VTA1: variants seen among roughly 807,000 people sequenced by gnomAD.
VTA1 encodes vesicle trafficking 1.
Under a neutral mutation model 36.9 loss-of-function variants are expected in VTA1, and 24 were observed. That is an observed-to-expected ratio of 0.65 (90% CI 0.47 to 0.91). The LOEUF is 0.91. Among genes scored for constraint, VTA1 ranks in the 40% least tolerant of loss-of-function variants. The pLI, the probability that VTA1 is intolerant of heterozygous loss-of-function variation, is 0.00. For synonymous variants in VTA1, 142 were observed against 130.2 expected (o/e 1.09, Z -0.62); for missense variants, 393 against 377.2 (o/e 1.04, Z -0.35).
intron 6 of VTA1, chr6:142,198,904 T>G (rs1775623459): frequency 5.0e-6 from 1 of 201,574 alleles, no homozygotes; most frequent in Non-Finnish European, 1.0e-5. Flanking sequence ...GTTTTTCTTT[T>G]TCTTCTCTTC....
intron 5 of VTA1, among the ~76,000 whole-genome samples, chr6:142,197,594 A>T (rs1209886319): frequency 1.3e-5 from 2 of 152,226 alleles, no homozygotes; most frequent in Non-Finnish European, 2.9e-5. Flanking sequence ...GCAAAATTTC[A>T]TTCCTCTGTT....
chr6:142,190,649 C>T (rs968321224), intron 5 of VTA1, among the ~76,000 whole-genome samples: 4 of 152,140 alleles, frequency 2.6e-5, no homozygotes, highest in African/African-American at 4.8e-5. Context: ...GTTCTTGGAA[C>T]TGAGAAAATT....
intron 6 of VTA1, among the ~76,000 whole-genome samples, chr6:142,201,177 G>A (rs954055433): frequency 5.9e-5 from 9 of 151,730 alleles, no homozygotes; most frequent in Admixed American, 1.3e-4. Context: ...TTTAGCCCCA[G>A]ATTTTTTTCT....
chr6:142,163,373 A>C (rs1438703694), intron 1 of VTA1, among the ~76,000 whole-genome samples: 1 of 152,172 alleles, frequency 6.6e-6, no homozygotes, highest in East Asian at 1.9e-4. Flanking sequence ...ACATTGCAAC[A>C]GTCTTTCCTA....
intron 4 of VTA1, among the ~76,000 whole-genome samples, chr6:142,187,083 T>A (rs140319385): frequency 3.5e-4 from 54 of 152,342 alleles, no homozygotes; most frequent in African/African-American, 1.3e-3. Flanking sequence ...ATTTGGCTTT[T>A]ATGTAACTTT....
Position 142,223,374 on chromosome 6 carries a change from C to G in VTA1, c.*4731C>G, listed in dbSNP as rs763384741. On this transcript the variant is annotated 3_prime_UTR_variant, in exon 8 of 8. Transcript: ENST00000367630. ...GGGAGTCTGGGTTTCCCAGATGTGC[C>G]TGTTTTATCCTTTTTATTTTAAATA... The G allele has an allele frequency of 6.6e-6, 1 of 152,154 alleles. No individual in the cohort carries two copies. Among genetic ancestry groups the G allele is most frequent in the African/African-American group, 2.4e-5 (1 of 41,426 alleles). The allele number at this position is 152,154 out of a possible 1,614,324, so 9.4% of individuals were successfully genotyped here. A position where few individuals can be genotyped will look rare whatever the true frequency, so the allele number is the denominator to read the frequency against.
chr6:142,174,585 T>C (rs1034184437), intron 4 of VTA1, among the ~76,000 whole-genome samples: 1 of 152,150 alleles, frequency 6.6e-6, no homozygotes, highest in Non-Finnish European at 1.5e-5. Flanking sequence ...GGGATAATTA[T>C]ATTTTGCAAT....
At chr6:142,188,789 A>G (rs1052580264) in intron 4 of VTA1, among the ~76,000 whole-genome samples, 3 of 152,220 alleles carry the variant, frequency 2.0e-5, no homozygotes, top group Non-Finnish European at 4.4e-5. Context: ...TAACATTAGC[A>G]TATCATGTTA....
At chr6:142,183,668 A>G (rs1775287479) in intron 4 of VTA1, among the ~76,000 whole-genome samples, 1 of 152,202 alleles carries the variant, frequency 6.6e-6, no homozygotes, top group Non-Finnish European at 1.5e-5. Flanking sequence ...TTTCAAAAAT[A>G]CATCTTGAAA....
chr6:142,161,467 G>T (rs1774807565), intron 1 of VTA1, among the ~76,000 whole-genome samples: 1 of 151,998 alleles, frequency 6.6e-6, no homozygotes, highest in Admixed American at 6.6e-5. Context: ...AGGAACTTTG[G>T]ATTACATATA....
At chr6:142,171,836 A>G (rs77556500) in intron 4 of VTA1, among the ~76,000 whole-genome samples, 4,508 of 152,248 alleles carry the variant, frequency 0.03, 144 homozygotes, top group African/African-American at 0.071. Flanking sequence ...CCCAAACAAA[A>G]CAGAGTACAA....
intron 1 of VTA1, among the ~76,000 whole-genome samples, chr6:142,148,324 C>G (rs571770411): frequency 1.2e-4 from 18 of 152,196 alleles, no homozygotes; most frequent in African/African-American, 4.3e-4. Flanking sequence ...CCTTTTCAGA[C>G]CTACCATCTT....
At chr6:142,195,341 C>G (rs1040170316) in intron 5 of VTA1, among the ~76,000 whole-genome samples, 66 of 152,076 alleles carry the variant, frequency 4.3e-4, no homozygotes, top group African/African-American at 1.5e-3. Flanking sequence ...GTTCATTTCC[C>G]TGAGGTAGTG....
At chr6:142,203,120 G>A (rs765730866) in intron 6 of VTA1, among the ~76,000 whole-genome samples, 11 of 151,992 alleles carry the variant, frequency 7.2e-5, no homozygotes, top group East Asian at 1.9e-4. Context: ...TTGTGAAACC[G>A]TTATTCTAGA....
chr6:142,177,099 T>A (rs2114652382), intron 4 of VTA1, among the ~76,000 whole-genome samples: 1 of 152,368 alleles, frequency 6.6e-6, no homozygotes, highest in African/African-American at 2.4e-5. Flanking sequence ...GTTCTTACTG[T>A]ATCCTGAAAG....
chr6:142,188,090 A>G (rs1445115435), intron 4 of VTA1, among the ~76,000 whole-genome samples: 2 of 147,736 alleles, frequency 1.4e-5, no homozygotes, highest in Non-Finnish European at 3.0e-5. Context: ...TGTGTTTTTC[A>G]TAGAGACGGG....
chr6:142,194,699 A>G lies in VTA1; in HGVS notation c.521-3740A>G, dbSNP rs565155341. Among the ~76,000 whole-genome samples, 344 of 152,214 alleles carry G rather than the reference A, an allele frequency of 2.3e-3. 1 individual carries two copies. The highest frequency in any genetic ancestry group is 4.0e-3 in the Non-Finnish European group (275 of 67,970). On this transcript the variant is annotated intron_variant, in intron 5 of 7. Coordinates refer to ENST00000367630, the MANE Select transcript of VTA1 (RefSeq NM_016485.5). Reference sequence around the variant, plus strand: ...AGATAATTATGTCATTTGCAAGGAGAGACAGTTTTGCTTCTTCCTTTCCAA... The same window carrying G: ...AGATAATTATGTCATTTGCAAGGAGGGACAGTTTTGCTTCTTCCTTTCCAA...
chr6:142,165,955 G>C (rs570171286), intron 1 of VTA1, among the ~76,000 whole-genome samples: 162 of 149,878 alleles, frequency 1.1e-3, no homozygotes, highest in African/African-American at 3.9e-3. Context: ...AGGTGCCTTT[G>C]ACAGCTTAGG....
rs200348683 is a variant in VTA1, at chr6:142,188,225, C to CTTTTTTTTTTTTT, written c.412-1185_412-1173dup. 8.9e-5 allele frequency among the ~76,000 whole-genome samples: 7 copies of CTTTTTTTTTTTTT among 78,928 alleles called. 1 individual carries two copies. The highest frequency in any genetic ancestry group is 1.3e-4 in the Non-Finnish European group (5 of 38,254). The allele number at this position is 78,928 out of a possible 152,430, so 51.8% of individuals were successfully genotyped here. A position where few individuals can be genotyped will look rare whatever the true frequency, so the allele number is the denominator to read the frequency against. On this transcript the variant is annotated intron_variant, in intron 4 of 7. Coordinates refer to ENST00000367630, the MANE Select transcript of VTA1 (RefSeq NM_016485.5). ...TGCCTAGCCCTCTATTTCTTTATTTCTTTTTTTTTTTTTTTTTTTTTTTTT... is the reference window on the plus strand; with the variant it reads ...TGCCTAGCCCTCTATTTCTTTATTTCTTTTTTTTTTTTTTTTTTTTTTTTTTTTTTTTTTTTTT...
Sources: allele counts gnomAD v4.1 joint callset (sites outside exome capture counted in the v4.1 genomes callset), GRCh38; gene constraint gnomAD v4.1.1; transcripts MANE v1.5; gene names NCBI Gene and HGNC (gene_info 2026-07-23, HGNC 2026-07-21).